BICC1: variants seen among roughly 807,000 people sequenced by gnomAD.
The protein encoded by BICC1 is protein bicaudal C homolog 1.
BICC1 carries 43 observed loss-of-function variants against 111.0 expected under a neutral mutation model. The observed-to-expected ratio is 0.39, with a 90% CI of 0.30 to 0.50. The LOEUF (loss-of-function observed/expected upper bound fraction) is 0.50, where lower values mean the gene tolerates loss of function less well. BICC1 is among the 20% of genes least tolerant of loss of function. BICC1 has a pLI of 0.88. For synonymous variants in BICC1, 467 were observed against 434.4 expected (o/e 1.07, Z -0.93); for missense variants, 1,091 against 1,203.2 (o/e 0.91, Z 1.38).
chr10:58,580,532 A>T (rs957211569), intron 1 of BICC1, among the ~76,000 whole-genome samples: 11 of 152,166 alleles, frequency 7.2e-5, no homozygotes, highest in Non-Finnish European at 1.5e-4. Flanking sequence ...AAAAATCCAA[A>T]ATCTGAAACA....
intron 1 of BICC1, among the ~76,000 whole-genome samples, chr10:58,596,576 G>T (rs576642532): frequency 3.9e-5 from 6 of 152,248 alleles, no homozygotes; most frequent in Non-Finnish European, 7.4e-5. Flanking sequence ...TCAGGCAAGA[G>T]AAATAAAGCG....
intron 9 of BICC1, among the ~76,000 whole-genome samples, chr10:58,795,435 G>C (rs145311288): frequency 6.6e-6 from 1 of 152,236 alleles, no homozygotes; most frequent in East Asian, 1.9e-4. Flanking sequence ...TAGATACCAG[G>C]ACTAAAAGAT....
intron 3 of BICC1, among the ~76,000 whole-genome samples, chr10:58,742,876 C>T (rs1841713533): frequency 1.3e-5 from 2 of 152,138 alleles, no homozygotes; most frequent in South Asian, 2.1e-4. Flanking sequence ...TATTGTCATT[C>T]AGGTTACTAG....
intron 3 of BICC1, among the ~76,000 whole-genome samples, chr10:58,779,185 T>C (rs1016985619): frequency 6.6e-6 from 1 of 152,200 alleles, no homozygotes; most frequent in African/African-American, 2.4e-5. Flanking sequence ...TGAGTAGAAT[T>C]CACTTTTGCT....
intron 1 of BICC1, among the ~76,000 whole-genome samples, chr10:58,521,768 GT>G (rs573116230): frequency 5.0e-4 from 56 of 112,710 alleles, no homozygotes; most frequent in Admixed American, 1.6e-3. Flanking sequence ...GGAATGTGGT[GT>G]TTTTTTTTTT....
intron 1 of BICC1, among the ~76,000 whole-genome samples, chr10:58,555,767 G>A (rs981409409): frequency 2.0e-5 from 3 of 152,122 alleles, no homozygotes; most frequent in African/African-American, 7.2e-5. Flanking sequence ...GATGAAGTTG[G>A]TGAACAAATA....
chr10:58,520,076 G>A (rs1205904973), intron 1 of BICC1, among the ~76,000 whole-genome samples: 1 of 152,032 alleles, frequency 6.6e-6, no homozygotes, highest in African/African-American at 2.4e-5. Context: ...AACCGTTTTG[G>A]AGACAGTTTG....
At chr10:58,746,710 G>A (rs1284197942) in intron 3 of BICC1, among the ~76,000 whole-genome samples, 1 of 152,058 alleles carries the variant, frequency 6.6e-6, no homozygotes, top group East Asian at 1.9e-4. Context: ...ATGAATACAG[G>A]TATTCATTAA....
chr10:58,815,713 T>G (rs1033158155), intron 18 of BICC1, among the ~76,000 whole-genome samples: 2 of 152,120 alleles, frequency 1.3e-5, no homozygotes, highest in African/African-American at 4.8e-5. Context: ...AAAAAAAAAT[T>G]TAAGTAAAAG....
intron 2 of BICC1, among the ~76,000 whole-genome samples, chr10:58,641,675 C>T (rs983394033): frequency 6.6e-6 from 1 of 152,044 alleles, no homozygotes; most frequent in Admixed American, 6.5e-5. Flanking sequence ...ACTTTATAGC[C>T]TCTGTACTTT....
At chr10:58,737,957 G>C (rs964224460) in intron 3 of BICC1, among the ~76,000 whole-genome samples, 3 of 151,958 alleles carry the variant, frequency 2.0e-5, no homozygotes, top group Non-Finnish European at 4.4e-5. Flanking sequence ...CTTGTAAATT[G>C]GTTTGAGTTC....
chr10:58,566,928 A>T (rs1199364894), intron 1 of BICC1, among the ~76,000 whole-genome samples: 1 of 152,088 alleles, frequency 6.6e-6, no homozygotes, highest in Admixed American at 6.6e-5. Flanking sequence ...AGGCTTGGAG[A>T]AGGGATATTT....
chr10:58,663,398 C>T (rs1564539692), intron 2 of BICC1, among the ~76,000 whole-genome samples: 1 of 152,108 alleles, frequency 6.6e-6, no homozygotes, highest in Non-Finnish European at 1.5e-5. Context: ...CAGACATTTT[C>T]TTCCTCCCAA....
At chr10:58,801,288 C>T (rs1175905656) in intron 14 of BICC1, among the ~76,000 whole-genome samples, 2 of 152,166 alleles carry the variant, frequency 1.3e-5, no homozygotes, top group Non-Finnish European at 2.9e-5. Context: ...TCTAAACCGT[C>T]TGTATTACTC....
intron 2 of BICC1, among the ~76,000 whole-genome samples, chr10:58,679,568 C>G (rs2132354272): frequency 6.6e-6 from 1 of 152,194 alleles, no homozygotes; most frequent in South Asian, 2.1e-4. Context: ...AAAAAAAGCC[C>G]AGGACCAGAT....
At chr10:58,601,135 A>G (rs1254616736) in intron 1 of BICC1, among the ~76,000 whole-genome samples, 1 of 40,876 alleles carries the variant, frequency 2.4e-5, no homozygotes, top group Non-Finnish European at 5.1e-5. Flanking sequence ...CAGTCATTTT[A>G]AAACTTATAT....
intron 3 of BICC1, among the ~76,000 whole-genome samples, chr10:58,709,616 A>G (rs1195724671): frequency 6.6e-6 from 1 of 152,242 alleles, no homozygotes; most frequent in East Asian, 1.9e-4. Flanking sequence ...CCACTAATAC[A>G]GATGGGAATG....
chr10:58,719,829 G>A (rs968284963), intron 3 of BICC1, among the ~76,000 whole-genome samples: 4 of 152,104 alleles, frequency 2.6e-5, no homozygotes, highest in Non-Finnish European at 1.5e-5. Context: ...GTTATCTTTT[G>A]AATAACTTTT....
chr10:58,598,908 A>G (rs755400553), intron 1 of BICC1, among the ~76,000 whole-genome samples: 5 of 152,250 alleles, frequency 3.3e-5, no homozygotes, highest in East Asian at 1.9e-4. Context: ...AAAAATGCTC[A>G]TCATTACTGG....
Sources: gnomAD v4.1 joint callset for allele counts (sites outside exome capture counted in the v4.1 genomes callset) on GRCh38, gnomAD v4.1.1 for gene constraint, MANE v1.5 for transcripts, NCBI Gene and HGNC (gene_info 2026-07-23, HGNC 2026-07-21) for gene names.